The following CTNND2 variants were observed in gnomAD, a reference collection of about 807,000 sequenced individuals.
CTNND2 encodes catenin delta-2.
Under a neutral mutation model 144.4 loss-of-function variants are expected in CTNND2, and 22 were observed. That is an observed-to-expected ratio of 0.15 (90% confidence interval 0.11 to 0.22). CTNND2 has a LOEUF of 0.22. Among genes scored for constraint, CTNND2 ranks in the 10% least tolerant of loss-of-function variants. CTNND2 has a pLI of 1.00. For missense variants in CTNND2, 1,353 were observed against 1,618.8 expected, an observed-to-expected ratio of 0.84 and a Z score of 2.82; for synonymous variants, 751 against 695.6, an observed-to-expected ratio of 1.08 and a Z score of -1.25.
chr5:11,522,365 G>A (rs969395175), intron 3 of CTNND2, among the ~76,000 whole-genome samples: 1 of 152,154 alleles, frequency 6.6e-6, no homozygotes, highest in Non-Finnish European at 1.5e-5. Context: ...TACGGCTTTA[G>A]TTTTCATCTG....
chr5:11,625,388 A>ACTCTCTCTCTCT, intron 2 of CTNND2, among the ~76,000 whole-genome samples: 1 of 96,978 alleles, frequency 1.0e-5, no homozygotes, highest in African/African-American at 4.0e-5. Context: ...CAAACAGAAA[A>ACTCTCTCTCTCT]ATCTCTCTCT....
chr5:11,071,454 C>G (rs1748283789), intron 16 of CTNND2, among the ~76,000 whole-genome samples: 1 of 152,078 alleles, frequency 6.6e-6, no homozygotes, highest in African/African-American at 2.4e-5. Flanking sequence ...GCATGAGAAT[C>G]GTTTGAACCT....
chr5:11,057,082 G>C (rs1405088676), intron 16 of CTNND2, among the ~76,000 whole-genome samples: 2 of 152,172 alleles, frequency 1.3e-5, no homozygotes, highest in African/African-American at 2.4e-5. Context: ...AAAATCACAT[G>C]CTTTTGCCAA....
chr5:11,440,073 T>C (rs1764136420), intron 3 of CTNND2, among the ~76,000 whole-genome samples: 1 of 152,098 alleles, frequency 6.6e-6, no homozygotes. Context: ...TCTGAGAAAA[T>C]CAGACATAGG....
chr5:11,892,580 A>G (rs1480754601), intron 1 of CTNND2, among the ~76,000 whole-genome samples: 1 of 152,170 alleles, frequency 6.6e-6, no homozygotes, highest in East Asian at 1.9e-4. Context: ...GAATAAAAAG[A>G]AAAAGGAAAG....
intron 10 of CTNND2, among the ~76,000 whole-genome samples, chr5:11,216,721 A>G (rs576984034): frequency 6.6e-6 from 1 of 152,370 alleles, no homozygotes; most frequent in African/African-American, 2.4e-5. Flanking sequence ...GTGCTCATAC[A>G]TAGGTGGAAA....
intron 3 of CTNND2, among the ~76,000 whole-genome samples, chr5:11,542,271 T>G (rs373352210): frequency 6.6e-6 from 1 of 152,178 alleles, no homozygotes; most frequent in Non-Finnish European, 1.5e-5. Context: ...AAGGTTAGAA[T>G]AGAAAATTAT....
chr5:11,711,015 T>C (rs1581757156), intron 2 of CTNND2, among the ~76,000 whole-genome samples: 1 of 152,162 alleles, frequency 6.6e-6, no homozygotes, highest in African/African-American at 2.4e-5. Context: ...ACTCTAATTA[T>C]CAAAGAGAAA....
At chr5:11,387,032 A>G (rs1759152514) in intron 6 of CTNND2, among the ~76,000 whole-genome samples, 1 of 152,148 alleles carries the variant, frequency 6.6e-6, no homozygotes, top group African/African-American at 2.4e-5. Context: ...ATCTAGTTGT[A>G]TATTATAATC....
intron 9 of CTNND2, among the ~76,000 whole-genome samples, chr5:11,259,605 G>A (rs760078361): frequency 4.6e-5 from 7 of 152,178 alleles, no homozygotes; most frequent in Non-Finnish European, 4.4e-5. Flanking sequence ...ACTACGGGTT[G>A]GGGTGGTTGG....
At chr5:11,079,368 T>C (rs1216069102) in intron 16 of CTNND2, among the ~76,000 whole-genome samples, 1 of 152,206 alleles carries the variant, frequency 6.6e-6, no homozygotes, top group Admixed American at 6.5e-5. Flanking sequence ...TTTCATGCTG[T>C]CATTGGACTA....
At position 11,077,893 on chromosome 5, in the gene CTNND2, C is replaced by T. The variant is rs61750280; in HGVS notation, c.2788+4803G>A. Among the ~76,000 whole-genome samples the T allele has an allele frequency of 3.8e-3, 574 of 152,276 alleles. 4 individuals are homozygous for T. The highest frequency in any genetic ancestry group is 0.013 in the African/African-American group (542 of 41,548). On this transcript the variant is annotated intron_variant, in intron 16 of 21. Transcript: ENST00000304623. ...TGGATTGCATACGAGTCAAAGAAGA[C>T]GCCAAGGTGTCTGTCCCAGGTCTCT...
At chr5:11,664,489 G>T (rs1480423748) in intron 2 of CTNND2, among the ~76,000 whole-genome samples, 1 of 152,200 alleles carries the variant, frequency 6.6e-6, no homozygotes, top group Non-Finnish European at 1.5e-5. Flanking sequence ...TACTCAGCAG[G>T]AGAATCACTT....
At chr5:11,851,828 GGCCAGA>G (rs544334148) in intron 1 of CTNND2, among the ~76,000 whole-genome samples, 22 of 152,250 alleles carry the variant, frequency 1.4e-4, no homozygotes, top group Admixed American at 2.6e-4. Flanking sequence ...TCAAAATCCT[GGCCAGA>G]ACCAGCTATT....
chr5:11,867,109 T>C (rs1795807829), intron 1 of CTNND2, among the ~76,000 whole-genome samples: 1 of 152,244 alleles, frequency 6.6e-6, no homozygotes, highest in South Asian at 2.1e-4. Flanking sequence ...CAATGCATAA[T>C]GACCTTTCTT....
intron 3 of CTNND2, among the ~76,000 whole-genome samples, chr5:11,540,775 T>C (rs1045727245): frequency 1.3e-5 from 2 of 152,130 alleles, no homozygotes. Context: ...CTACCAATCA[T>C]GTTGCAGTCT....
intron 16 of CTNND2, among the ~76,000 whole-genome samples, chr5:11,033,540 T>A (rs1237156778): frequency 2.0e-5 from 3 of 151,868 alleles, no homozygotes; most frequent in African/African-American, 4.8e-5. Flanking sequence ...AGAAAAAAAA[T>A]AAAAATCTGG....
chr5:11,781,746 C>A (rs996849319), intron 1 of CTNND2, among the ~76,000 whole-genome samples: 2 of 152,112 alleles, frequency 1.3e-5, no homozygotes, highest in Non-Finnish European at 2.9e-5. Context: ...TTTCTTGGAA[C>A]TTCTCCACAC....
At chr5:11,690,244 A>C (rs934953404) in intron 2 of CTNND2, among the ~76,000 whole-genome samples, 3 of 152,234 alleles carry the variant, frequency 2.0e-5, no homozygotes, top group African/African-American at 7.2e-5. Context: ...AAATCATGTA[A>C]CTGTTGACAA....
Sources: allele counts gnomAD v4.1 joint callset (sites outside exome capture counted in the v4.1 genomes callset), GRCh38; gene constraint gnomAD v4.1.1; transcripts MANE v1.5; gene names NCBI Gene and HGNC (gene_info 2026-07-23, HGNC 2026-07-21).